The following PDS5A variants were observed in gnomAD, a reference collection of about 807,000 sequenced individuals.
PDS5A encodes sister chromatid cohesion protein PDS5 homolog A.
A neutral mutation model predicts 167.1 loss-of-function variants in PDS5A; 42 were observed. That is an observed-to-expected ratio of 0.25 (90% CI 0.20 to 0.33). The LOEUF (loss-of-function observed/expected upper bound fraction) is 0.33, where lower values mean the gene tolerates loss of function less well. PDS5A is among the 10% of genes least tolerant of loss of function. The pLI is 1.00. For synonymous variants in PDS5A, 553 were observed against 554.6 expected (o/e 1.00, Z 0.04); for missense variants, 1,033 against 1,605.9 (o/e 0.64, Z 6.10).
chr4:39,941,062 G>A (rs1404552196), intron 2 of PDS5A, among the ~76,000 whole-genome samples: 1 of 152,174 alleles, frequency 6.6e-6, no homozygotes, highest in Non-Finnish European at 1.5e-5. Context: ...TCTAATACTT[G>A]CAAGGACACC....
chr4:39,893,591 T>A (rs1722151030), intron 16 of PDS5A, among the ~76,000 whole-genome samples: 1 of 152,172 alleles, frequency 6.6e-6, no homozygotes, highest in Non-Finnish European at 1.5e-5. Context: ...AATTTTACAT[T>A]TGCATTATTT....
At position 39,838,052 on chromosome 4, in the gene PDS5A, GTCC is replaced by G; in HGVS notation, c.3811_3813del (p.Gly1271del). 1 of 1,613,936 alleles carries G rather than the reference GTCC, an allele frequency of 6.2e-7. No individual in the cohort carries two copies. The highest frequency in any genetic ancestry group is 1.1e-5 in the South Asian group (1 of 91,072). ...CCCTGAGATTCAGACTTGGGTCGAC[GTCC>G]TCTCCTGGGTTTGGAAGGGGCGGGA... is the stretch of plus-strand genomic sequence containing the variant. On this transcript the variant is annotated inframe_deletion, in exon 32 of 33. Coordinates refer to ENST00000303538, the MANE Select transcript of PDS5A (RefSeq NM_001100399.2).
intron 2 of PDS5A, among the ~76,000 whole-genome samples, chr4:39,952,045 A>G (rs1171448197): frequency 6.6e-6 from 1 of 151,850 alleles, no homozygotes; most frequent in East Asian, 1.9e-4. Context: ...ATAACAACCA[A>G]TTGTCCAGGC....
intron 7 of PDS5A, among the ~76,000 whole-genome samples, chr4:39,918,773 A>T (rs1214517184): frequency 1.3e-5 from 2 of 152,098 alleles, no homozygotes; most frequent in African/African-American, 2.4e-5. Context: ...GAATCGCTTG[A>T]GCCTGGGAGG....
At chr4:39,892,381 G>A (rs1381118757) in intron 16 of PDS5A, among the ~76,000 whole-genome samples, 4 of 152,148 alleles carry the variant, frequency 2.6e-5, no homozygotes, top group East Asian at 3.9e-4. Context: ...CTGCAAAGAC[G>A]CTATCTTCTT....
rs1216059018 is a variant in PDS5A at position 39,928,043 on chromosome 4, C to T, written c.260G>A (p.Arg87His). The change falls in exon 3 of 33, where the codon CGT becomes CAT. Residue 87 changes from arginine to histidine, a missense_variant. Around this residue, in one of 4 missense-constraint regions of PDS5A, gnomAD observed 388 missense variants for 615.1 expected, o/e 0.63. Coordinates refer to ENST00000303538, the MANE Select transcript of PDS5A (RefSeq NM_001100399.2). Reference protein sequence around the residue: ...FFLRNPNKDVRLLVACCLADI... With the variant: ...FFLRNPNKDVHLLVACCLADI... The stretch of plus-strand genomic sequence containing the variant: ...AGCCAAACAACATGCTACAAGGAGA[C>T]GCACATCTTTATTGGGGTTCCTGAG... 1.9e-6 allele frequency: 3 copies of T among 1,613,672 alleles called. No homozygotes were observed. Among genetic ancestry groups the T allele is most frequent in the Middle Eastern group, 1.6e-4 (1 of 6,062 alleles).
intron 2 of PDS5A, chr4:39,973,312 T>G (rs1374878164): frequency 1.2e-6 from 2 of 1,606,944 alleles, no homozygotes; most frequent in East Asian, 4.5e-5. Flanking sequence ...CAAAGGTTCC[T>G]GACCTTGTAC....
At chr4:39,948,642 A>T (rs1253616812) in intron 2 of PDS5A, among the ~76,000 whole-genome samples, 7 of 84,298 alleles carry the variant, frequency 8.3e-5, no homozygotes, top group Non-Finnish European at 8.3e-5. Flanking sequence ...TTTTTTTTTT[A>T]AAGACCGAGT....
intron 6 of PDS5A, among the ~76,000 whole-genome samples, chr4:39,921,778 T>C (rs1341372269): frequency 3.3e-5 from 5 of 151,978 alleles, no homozygotes; most frequent in Admixed American, 6.6e-5. Context: ...CCTACTTACC[T>C]AGTATATAAA....
At chr4:39,958,911 A>G in intron 2 of PDS5A, among the ~76,000 whole-genome samples, 1 of 152,072 alleles carries the variant, frequency 6.6e-6, no homozygotes. Context: ...GCCCTGCTGT[A>G]CTTATTTATT....
intron 2 of PDS5A, chr4:39,973,978 T>G: frequency 2.1e-6 from 1 of 476,494 alleles, no homozygotes; most frequent in Non-Finnish European, 3.9e-6. Flanking sequence ...TACAAAAAAT[T>G]AGCCGGGCAT....
chr4:39,856,136 C>T (rs920487895), intron 26 of PDS5A, among the ~76,000 whole-genome samples: 1 of 152,094 alleles, frequency 6.6e-6, no homozygotes, highest in African/African-American at 2.4e-5. Flanking sequence ...ATAAGAATAA[C>T]AGCTGATTTC....
chr4:39,971,375 C>A (rs1334190370), intron 2 of PDS5A, among the ~76,000 whole-genome samples: 1 of 151,986 alleles, frequency 6.6e-6, no homozygotes, highest in Non-Finnish European at 1.5e-5. Context: ...CCAGGATGGT[C>A]TCGATCTCCT....
At chr4:39,933,168 C>G (rs956484564) in intron 2 of PDS5A, 1 of 151,394 alleles carries the variant, frequency 6.6e-6, no homozygotes, top group African/African-American at 2.5e-5. Flanking sequence ...AACTCCGTCT[C>G]AAAACCAAAA....
At chr4:39,907,295 C>T (rs1212263388) in intron 11 of PDS5A, among the ~76,000 whole-genome samples, 2 of 152,094 alleles carry the variant, frequency 1.3e-5, no homozygotes, top group Non-Finnish European at 2.9e-5. Flanking sequence ...AAACATCTGG[C>T]TCCTGTGACA....
chr4:39,879,408 T>C (rs1720751112), intron 18 of PDS5A, among the ~76,000 whole-genome samples: 1 of 152,116 alleles, frequency 6.6e-6, no homozygotes, highest in Admixed American at 6.6e-5. Context: ...CCTCTAGATT[T>C]AGTCACATAC....
At chr4:39,886,167 C>A (rs1204158902) in intron 17 of PDS5A, among the ~76,000 whole-genome samples, 3 of 152,028 alleles carry the variant, frequency 2.0e-5, no homozygotes. Context: ...CAATTCTGTT[C>A]CTTTAGATGT....
At chr4:39,899,446 T>C (rs553283110) in intron 14 of PDS5A, among the ~76,000 whole-genome samples, 2 of 152,346 alleles carry the variant, frequency 1.3e-5, no homozygotes, top group East Asian at 3.9e-4. Context: ...GTCATGTCCA[T>C]TCATTTATTT....
At chr4:39,898,882 C>T in intron 14 of PDS5A, 57 bp from the exon 15 acceptor site, 1 of 1,163,172 alleles carries the variant, frequency 8.6e-7, no homozygotes, top group East Asian at 2.5e-5. Flanking sequence ...ACAAATTTCC[C>T]TAACAAAAAT....
Sources: gnomAD v4.1 joint callset for allele counts (sites outside exome capture counted in the v4.1 genomes callset) on GRCh38, gnomAD v4.1.1 for gene constraint, gnomAD v4.1.1 regional missense constraint, MANE v1.5 for transcripts, NCBI Gene and HGNC (gene_info 2026-07-23, HGNC 2026-07-21) for gene names.